CHCHD3: variants seen among roughly 807,000 people sequenced by gnomAD.
CHCHD3 encodes coiled-coil-helix-coiled-coil-helix domain containing 3.
Under a neutral mutation model 38.2 loss-of-function variants are expected in CHCHD3, and 20 were observed. The observed-to-expected ratio is 0.52, with a 90% CI of 0.37 to 0.76. The LOEUF (loss-of-function observed/expected upper bound fraction) is 0.76, where lower values mean the gene tolerates loss of function less well. Among genes scored for constraint, CHCHD3 ranks in the 30% least tolerant of loss-of-function variants. The probability of loss-of-function intolerance (pLI) is 0.00; values close to 1 mark genes in which losing one functional copy is unlikely to be tolerated. For missense variants in CHCHD3, 245 were observed against 279.2 expected (o/e 0.88, Z 0.87); for synonymous variants, 82 against 100.0 (o/e 0.82, Z 1.07).
chr7:132,843,256 T>A (rs776126321), intron 5 of CHCHD3, among the ~76,000 whole-genome samples: 3 of 151,880 alleles, frequency 2.0e-5, no homozygotes, highest in Admixed American at 6.6e-5. Context: ...TGCTTCAGAG[T>A]CACTTATGGA....
chr7:133,034,518 T>TA, intron 2 of CHCHD3: 1 of 481,572 alleles, frequency 2.1e-6, no homozygotes, highest in East Asian at 4.4e-5. Context: ...CTTTTTTTTT[T>TA]TTTTTTTTTT....
chr7:132,796,306 A>C, intron 7 of CHCHD3, 136 bp downstream of exon 7: 1 of 903,478 alleles, frequency 1.1e-6, no homozygotes, highest in Non-Finnish European at 1.7e-6. Flanking sequence ...AACTCATTAC[A>C]GTAATTCTTG....
chr7:133,069,505 G>A (rs895785995), intron 2 of CHCHD3, among the ~76,000 whole-genome samples: 5 of 152,232 alleles, frequency 3.3e-5, no homozygotes, highest in Non-Finnish European at 7.4e-5. Context: ...CATCAACTGG[G>A]CAGTATCAAG....
chr7:132,838,423 G>A lies in CHCHD3; in HGVS notation c.500C>T (p.Ala167Val), dbSNP rs751855173. ...CTTGAACTTTGCTTCCACCTCTTCA[G>A]CAGCTTTCTGATATTGTTCAGTGGT... ...RVTTEQYQKA[A>V]EEVEAKFKRY... Residue 167 changes from alanine (A) to valine (V), a missense_variant, in exon 6 of 8, where the codon GCT becomes GTT. Transcript: ENST00000262570. The A allele has an allele frequency of 5.6e-6, 9 of 1,612,058 alleles. No individual in the cohort carries two copies. The East Asian group carries it at 2.0e-4, about 36-fold the overall frequency.
At chr7:133,034,717 G>A in intron 2 of CHCHD3, 1 of 1,613,518 alleles carries the variant, frequency 6.2e-7, no homozygotes, top group Non-Finnish European at 8.5e-7. Flanking sequence ...CCAGGATCCA[G>A]TTTCCGCCAT....
chr7:132,877,466 C>T (rs1293110081), intron 5 of CHCHD3, among the ~76,000 whole-genome samples: 1 of 152,168 alleles, frequency 6.6e-6, no homozygotes, highest in African/African-American at 2.4e-5. Flanking sequence ...TCCATCTTTG[C>T]ACCTAAGTTA....
chr7:132,957,171 C>T (rs1053086261), intron 4 of CHCHD3, among the ~76,000 whole-genome samples: 1 of 152,190 alleles, frequency 6.6e-6, no homozygotes, highest in African/African-American at 2.4e-5. Flanking sequence ...CTGACTCTTT[C>T]GGTTTATTCC....
At chr7:132,882,461 C>CTATATATATATA (rs71178065) in intron 5 of CHCHD3, among the ~76,000 whole-genome samples, 4 of 135,006 alleles carry the variant, frequency 3.0e-5, no homozygotes, top group African/African-American at 1.1e-4. Flanking sequence ...ACAATATATT[C>CTATATATATATA]TATATATATA....
intron 3 of CHCHD3, among the ~76,000 whole-genome samples, chr7:132,975,593 C>G (rs1475794083): frequency 1.3e-5 from 2 of 152,142 alleles, no homozygotes; most frequent in Non-Finnish European, 2.9e-5. Flanking sequence ...AAAATTCCAT[C>G]CCTGGTGCTT....
intron 1 of CHCHD3, among the ~76,000 whole-genome samples, chr7:133,075,642 G>C (rs573727728): frequency 3.9e-5 from 6 of 152,212 alleles, no homozygotes; most frequent in Non-Finnish European, 2.9e-5. Flanking sequence ...AAGCTTTAGA[G>C]ATGCTGGCCA....
chr7:132,929,771 G>T (rs1436985983), intron 4 of CHCHD3, among the ~76,000 whole-genome samples: 2 of 152,168 alleles, frequency 1.3e-5, no homozygotes, highest in Non-Finnish European at 2.9e-5. Context: ...GACAGGAAGA[G>T]AATTCATGAG....
intron 1 of CHCHD3, among the ~76,000 whole-genome samples, chr7:133,073,513 G>A (rs753777126): frequency 4.7e-4 from 72 of 152,162 alleles, no homozygotes; most frequent in Admixed American, 1.6e-3. Context: ...TTGATCTCAC[G>A]TTTGCCGCAT....
At chr7:132,922,754 TTA>T (rs1200267576) in intron 4 of CHCHD3, among the ~76,000 whole-genome samples, 2 of 152,196 alleles carry the variant, frequency 1.3e-5, no homozygotes, top group South Asian at 2.1e-4. Context: ...TTAGCCACAG[TTA>T]AGACTCCCAA....
At chr7:133,045,328 G>A (rs1021272568) in intron 2 of CHCHD3, among the ~76,000 whole-genome samples, 4 of 152,112 alleles carry the variant, frequency 2.6e-5, no homozygotes, top group Non-Finnish European at 5.9e-5. Context: ...CTTACACGAC[G>A]CACAGGAGAG....
At chr7:133,017,035 C>T (rs549329139) in intron 3 of CHCHD3, among the ~76,000 whole-genome samples, 19 of 152,124 alleles carry the variant, frequency 1.2e-4, no homozygotes, top group Non-Finnish European at 2.4e-4. Context: ...TCCAAATTTG[C>T]GAGAAAATGA....
intron 2 of CHCHD3, among the ~76,000 whole-genome samples, chr7:133,052,744 G>A (rs1814203996): frequency 6.6e-6 from 1 of 152,168 alleles, no homozygotes; most frequent in Non-Finnish European, 1.5e-5. Flanking sequence ...ATCCAAAGTT[G>A]ATATTTCAAA....
intron 3 of CHCHD3, among the ~76,000 whole-genome samples, chr7:132,993,976 C>G (rs1213856517): frequency 6.6e-6 from 1 of 151,512 alleles, no homozygotes; most frequent in Non-Finnish European, 1.5e-5. Context: ...ATGTCTATTT[C>G]ATCTTAATGT....
At chr7:132,815,392 A>G (rs1807173621) in intron 6 of CHCHD3, 1 of 333,488 alleles carries the variant, frequency 3.0e-6, no homozygotes. Context: ...GAATGTTAAT[A>G]TATTCTCTTA....
intron 4 of CHCHD3, among the ~76,000 whole-genome samples, chr7:132,901,976 G>C (rs1033512074): frequency 6.6e-6 from 1 of 152,130 alleles, no homozygotes; most frequent in Non-Finnish European, 1.5e-5. Context: ...TAACATTTAA[G>C]TCTTTAATCC....
Sources: allele counts gnomAD v4.1 joint callset (sites outside exome capture counted in the v4.1 genomes callset), GRCh38; gene constraint gnomAD v4.1.1; transcripts MANE v1.5; gene names NCBI Gene and HGNC (gene_info 2026-07-23, HGNC 2026-07-21).